Variants in TTC7B observed in about 807,000 individuals in gnomAD.
The protein encoded by TTC7B is tetratricopeptide repeat domain 7B.
Under a neutral mutation model 106.8 loss-of-function variants are expected in TTC7B, and 28 were observed. That is an observed-to-expected ratio of 0.26 (90% CI 0.19 to 0.36). The LOEUF is 0.36. TTC7B is among the 10% of genes least tolerant of loss of function. The probability of loss-of-function intolerance (pLI) is 1.00; values close to 1 mark genes in which losing one functional copy is unlikely to be tolerated. For synonymous variants in TTC7B, 405 were observed against 430.6 expected, an observed-to-expected ratio of 0.94 and a Z score of 0.74; for missense variants, 862 against 1,076.4, an observed-to-expected ratio of 0.80 and a Z score of 2.79.
chr14:90,801,260 G>A (rs2030249532), intron 1 of TTC7B, among the ~76,000 whole-genome samples: 1 of 150,248 alleles, frequency 6.7e-6, no homozygotes, highest in African/African-American at 2.5e-5. Context: ...ACTATGCAGT[G>A]CCGGCAGCCT....
intron 18 of TTC7B, among the ~76,000 whole-genome samples, chr14:90,591,909 C>T (rs922548512): frequency 6.6e-6 from 1 of 152,236 alleles, no homozygotes; most frequent in African/African-American, 2.4e-5. Flanking sequence ...TGGGACCTCT[C>T]TAAGCAAGAG....
chr14:90,737,057 T>A (rs571959521), intron 4 of TTC7B, among the ~76,000 whole-genome samples: 1 of 152,172 alleles, frequency 6.6e-6, no homozygotes, highest in African/African-American at 2.4e-5. Flanking sequence ...TTCAACTATA[T>A]ACAGATTCAA....
At position 90,791,609 on chromosome 14, in the gene TTC7B, G is replaced by A. The variant is rs117727260; in HGVS notation, c.122-5281C>T. ...CGTGACTACGTTATGACGATGGGATGGGAGCAGAGGTGTTGCACGCAGCTT... is the reference window on the plus strand; with the variant it reads ...CGTGACTACGTTATGACGATGGGATAGGAGCAGAGGTGTTGCACGCAGCTT... On this transcript the variant is annotated intron_variant, in intron 1 of 19. Coordinates refer to ENST00000328459, the MANE Select transcript of TTC7B (RefSeq NM_001010854.2). 1.8e-4 allele frequency among the ~76,000 whole-genome samples: 27 copies of A among 152,272 alleles called. 1 individual carries two copies. The East Asian group carries it at 4.8e-3, about 27-fold the overall frequency.
chr14:90,697,200 A>T (rs8004152), intron 5 of TTC7B: 122,489 of 151,814 alleles, frequency 0.81, 49,623 homozygotes, highest in East Asian at 0.99. Context: ...AGCAGGATCA[A>T]ACCTAAATAT....
intron 5 of TTC7B, among the ~76,000 whole-genome samples, chr14:90,717,770 C>T (rs1179453074): frequency 6.6e-6 from 1 of 152,166 alleles, no homozygotes; most frequent in African/African-American, 2.4e-5. Context: ...GCATTTGACA[C>T]CTAAACCCGG....
intron 19 of TTC7B, among the ~76,000 whole-genome samples, chr14:90,576,676 G>C (rs1233975325): frequency 6.6e-6 from 1 of 152,058 alleles, no homozygotes; most frequent in African/African-American, 2.4e-5. Flanking sequence ...CAGGAGTCAG[G>C]ACCAGGGCTT....
In TTC7B at chr14:90,744,926, A is replaced by G; in HGVS notation, c.446-4T>C. 6.2e-7 allele frequency: 1 copy of G among 1,611,834 alleles called. No homozygotes were observed. The highest frequency in any genetic ancestry group is 8.5e-7 in the Non-Finnish European group (1 of 1,179,464). ...GGCAGCTTCTCCAAACAAAGTCCTTAAAAAAATATCAGACACAAAAACTGA... is the reference window on the plus strand; with the variant it reads ...GGCAGCTTCTCCAAACAAAGTCCTTGAAAAAATATCAGACACAAAAACTGA... On this transcript the variant is annotated splice_region_variant and splice_polypyrimidine_tract_variant and intron_variant, in intron 3 of 19. Transcript: ENST00000328459.
chr14:90,763,757 C>A (rs1199359461), intron 3 of TTC7B, among the ~76,000 whole-genome samples: 1 of 151,916 alleles, frequency 6.6e-6, no homozygotes, highest in Non-Finnish European at 1.5e-5. Context: ...CTTATAATAA[C>A]ATAAAAAAGA....
At position 90,541,509 on chromosome 14, in the gene TTC7B, G is replaced by C; in HGVS notation, c.2391C>G (p.Ala797=). Residue 797 remains alanine (A), a synonymous_variant, in exon 20 of 20, where the codon GCC becomes GCG. Transcript: ENST00000328459. The part of the protein sequence containing the change: ...LRDAVQVNST[A]HEVWNGLGEV... The stretch of plus-strand genomic sequence containing the variant: ...CGCCCAGCCCGTTCCAGACCTCGTG[G>C]GCTGTCGAGTTCACCTGCACCGCGT... 6.2e-7 allele frequency: 1 copy of C among 1,614,058 alleles called. No homozygotes were observed.
intron 16 of TTC7B, among the ~76,000 whole-genome samples, chr14:90,611,227 T>C (rs1356080912): frequency 6.6e-6 from 1 of 151,668 alleles, no homozygotes; most frequent in Non-Finnish European, 1.5e-5. Context: ...CCATGAAGAG[T>C]TGTCTTCATG....
intron 5 of TTC7B, among the ~76,000 whole-genome samples, chr14:90,728,937 G>A (rs1463764976): frequency 6.6e-6 from 1 of 152,208 alleles, no homozygotes; most frequent in East Asian, 1.9e-4. Flanking sequence ...TAACAACAAA[G>A]AAAACAGAAC....
chr14:90,668,567 T>C (rs1886504115), intron 9 of TTC7B, among the ~76,000 whole-genome samples: 1 of 152,236 alleles, frequency 6.6e-6, no homozygotes. Context: ...AATAGTAACA[T>C]GCACTTCTTG....
chr14:90,655,325 T>G (rs1432361894), intron 11 of TTC7B, among the ~76,000 whole-genome samples: 1 of 152,236 alleles, frequency 6.6e-6, no homozygotes, highest in East Asian at 1.9e-4. Context: ...AAGTTTTTCT[T>G]ACTGCTTATT....
At chr14:90,602,211 A>G (rs1338079866) in intron 17 of TTC7B, 2 of 456,080 alleles carry the variant, frequency 4.4e-6, no homozygotes, top group East Asian at 1.4e-4. Flanking sequence ...CTAGGGTGGA[A>G]AAAACGATTA....
At chr14:90,638,548 T>C (rs983449081) in intron 15 of TTC7B, among the ~76,000 whole-genome samples, 3 of 152,126 alleles carry the variant, frequency 2.0e-5, no homozygotes, top group African/African-American at 7.2e-5. Context: ...ATGGGCAAAA[T>C]ATTTATTAAA....
At chr14:90,751,656 C>T (rs1890141088) in intron 3 of TTC7B, among the ~76,000 whole-genome samples, 1 of 152,034 alleles carries the variant, frequency 6.6e-6, no homozygotes, top group Non-Finnish European at 1.5e-5. Flanking sequence ...TCTCAAACTC[C>T]TGACCTCAAG....
chr14:90,646,811 A>C (rs920597812), intron 14 of TTC7B, 140 bp downstream of exon 14: 2 of 778,584 alleles, frequency 2.6e-6, no homozygotes, highest in Non-Finnish European at 4.3e-6. Context: ...TCTTTGCTGA[A>C]ACCTCTGAGA....
intron 5 of TTC7B, among the ~76,000 whole-genome samples, chr14:90,718,935 GGTT>G: frequency 6.6e-6 from 1 of 151,540 alleles, no homozygotes; most frequent in Admixed American, 6.6e-5. Context: ...GGGGGCAAAG[GGTT>G]AAATTCCTTC....
At position 90,783,348 on chromosome 14, in the gene TTC7B, G is replaced by A. The variant is rs17721799; in HGVS notation, c.277-2442C>T. ...CACATTAGTTGGTGTGAGTAGGACA[G>A]CACACCCATGCAAAAGATGTACGGC... is the stretch of plus-strand genomic sequence containing the variant. On this transcript the variant is annotated intron_variant, in intron 2 of 19. Transcript: ENST00000328459. 4.1e-3 allele frequency among the ~76,000 whole-genome samples: 620 copies of A among 152,332 alleles called. 11 individuals are homozygous for A. Among genetic ancestry groups the A allele is most frequent in the Admixed American group, 0.034 (526 of 15,302 alleles).
Sources: allele counts gnomAD v4.1 joint callset (sites outside exome capture counted in the v4.1 genomes callset), GRCh38; gene constraint gnomAD v4.1.1; transcripts MANE v1.5; gene names NCBI Gene and HGNC (gene_info 2026-07-23, HGNC 2026-07-21).